TEX101: variants seen among roughly 807,000 people sequenced by gnomAD.
The protein encoded by TEX101 is testis expressed 101.
A neutral mutation model predicts 18.1 loss-of-function variants in TEX101; 10 were observed. That is an observed-to-expected ratio of 0.55 (90% confidence interval 0.34 to 0.94). TEX101 has a LOEUF of 0.94. TEX101 is among the 40% of genes least tolerant of loss of function. The pLI is 0.02. For synonymous variants in TEX101, 94 were observed against 114.8 expected (o/e 0.82, Z 1.16); for missense variants, 259 against 298.9 (o/e 0.87, Z 0.98).
At chr19:43,399,150 T>C (rs779631276), upstream of TEX101, among the ~76,000 whole-genome samples, 4 of 152,238 alleles carry the variant, frequency 2.6e-5, no homozygotes, top group Non-Finnish European at 5.9e-5. Flanking sequence ...CTAAGCCCTC[T>C]ATTCTCTATA....
At chr19:43,389,006 C>T in the TEX101 span, among the ~76,000 whole-genome samples, 2 of 152,200 alleles carry the variant, frequency 1.3e-5, no homozygotes, top group Admixed American at 6.5e-5. Context: ...CTCCCACCCT[C>T]GAGGCATCGT....
the TEX101 span, among the ~76,000 whole-genome samples, chr19:43,388,700 C>T: frequency 6.6e-6 from 1 of 152,284 alleles, no homozygotes; most frequent in Admixed American, 6.5e-5. Context: ...ATGTGTGTAA[C>T]GGGTTGCACC....
upstream of TEX101, among the ~76,000 whole-genome samples, chr19:43,412,595 GGA>G (rs1874299813): frequency 6.6e-6 from 1 of 152,100 alleles, no homozygotes; most frequent in Non-Finnish European, 1.5e-5. Context: ...CAAGTCACCT[GGA>G]GAGTGACTCA....
intron 2 of TEX101, among the ~76,000 whole-genome samples, chr19:43,403,786 C>T (rs1266731851): frequency 6.6e-6 from 1 of 151,896 alleles, no homozygotes; most frequent in Non-Finnish European, 1.5e-5. Context: ...AAAAATCTGG[C>T]CCACAAAGAC....
chr19:43,393,388 G>C, the TEX101 span, among the ~76,000 whole-genome samples: 1 of 152,198 alleles, frequency 6.6e-6, no homozygotes, highest in African/African-American at 2.4e-5. Context: ...CTTCGTGACT[G>C]GGTGTCCATG....
chr19:43,395,102 A>G, the TEX101 span, among the ~76,000 whole-genome samples: 1 of 152,216 alleles, frequency 6.6e-6, no homozygotes, highest in South Asian at 2.1e-4. Context: ...CTTCAAGGGA[A>G]GGTCCATCAT....
the TEX101 span, among the ~76,000 whole-genome samples, chr19:43,391,125 G>A: frequency 1.3e-5 from 2 of 152,112 alleles, no homozygotes; most frequent in African/African-American, 4.8e-5. Flanking sequence ...TATAGACCAC[G>A]TTTTGCTTAT....
intron 3 of TEX101, among the ~76,000 whole-genome samples, chr19:43,408,292 G>A (rs946736928): frequency 6.6e-6 from 1 of 150,432 alleles, no homozygotes; most frequent in African/African-American, 2.4e-5. Flanking sequence ...GTTCTGCCCG[G>A]GCTCGACCAG....
At chr19:43,406,585 G>A (rs1970365773) in intron 3 of TEX101, 3 of 625,850 alleles carry the variant, frequency 4.8e-6, no homozygotes, top group Non-Finnish European at 2.9e-6. Context: ...AACCTGGTGG[G>A]GGAGTCGGGC....
At chr19:43,404,483 C>A (rs1970344614) in intron 2 of TEX101, among the ~76,000 whole-genome samples, 1 of 152,108 alleles carries the variant, frequency 6.6e-6, no homozygotes, top group African/African-American at 2.4e-5. Context: ...TAATATACTA[C>A]AATTTGTTTG....
At chr19:43,404,599 C>T (rs1970345405) in intron 2 of TEX101, among the ~76,000 whole-genome samples, 2 of 152,028 alleles carry the variant, frequency 1.3e-5, no homozygotes. Flanking sequence ...CAATTGTTAA[C>T]ATTTTGCCAC....
chr19:43,410,322 G>A (rs555736593), upstream of TEX101, among the ~76,000 whole-genome samples: 8 of 152,188 alleles, frequency 5.3e-5, no homozygotes, highest in East Asian at 3.9e-4. Flanking sequence ...TGGGGGAAGC[G>A]GATTAGGGAG....
At chr19:43,390,576 T>G in the TEX101 span, among the ~76,000 whole-genome samples, 2 of 144,658 alleles carry the variant, frequency 1.4e-5, no homozygotes, top group African/African-American at 2.5e-5. Flanking sequence ...CAACCGATTC[T>G]CCTGCCTCAG....
intron 2 of TEX101, among the ~76,000 whole-genome samples, chr19:43,403,487 G>T (rs140801528): frequency 0.018 from 2,711 of 152,196 alleles, 73 homozygotes; most frequent in African/African-American, 0.061. Context: ...TAATGTAAAT[G>T]ACAAGCTCAT....
In TEX101 at chr19:43,408,253, G is replaced by A. The variant is rs555015136; in HGVS notation, c.15+1734G>A. On this transcript the variant is annotated intron_variant, in intron 3 of 7. Coordinates refer to the TEX101 transcript ENST00000602198. ...AGGCGGTGAGGGCCGCCCCCGCAGC[G>A]TCCTGTTTGGGAGCCAGGTCTTCTC... Among the ~76,000 whole-genome samples, 511 of 152,256 alleles carry A rather than the reference G, an allele frequency of 3.4e-3. 1 individual carries two copies. The highest frequency in any genetic ancestry group is 0.011 in the African/African-American group (470 of 41,540).
At chr19:43,402,223 A>G (rs1440661141) in intron 1 of TEX101, among the ~76,000 whole-genome samples, 1 of 152,226 alleles carries the variant, frequency 6.6e-6, no homozygotes, top group East Asian at 1.9e-4. Flanking sequence ...AAACTACAAA[A>G]CATGTTCATT....
Position 43,415,995 on chromosome 19 carries a change from G to A in TEX101, c.64+12G>A, listed in dbSNP as rs1430422141. On this transcript the variant is annotated intron_variant, in intron 2 of 5. Transcript: ENST00000598265. ...CTCCCTCCTGACCTGTGCGTATGGG[G>A]GACATAGGGGAGAGCCGTGTGTCAC... The A allele has an allele frequency of 6.2e-7, 1 of 1,613,666 alleles. No homozygotes were observed. The highest frequency in any genetic ancestry group is 1.3e-5 in the African/African-American group (1 of 75,022).
At chr19:43,396,826 A>ATTTTT (rs1202828153), upstream of TEX101, among the ~76,000 whole-genome samples, 10 of 82,912 alleles carry the variant, frequency 1.2e-4, no homozygotes, top group Admixed American at 1.6e-4. Flanking sequence ...TGTTTTCAGC[A>ATTTTT]TTTTTTTTTT....
At chr19:43,411,261 G>A (rs946234827), upstream of TEX101, among the ~76,000 whole-genome samples, 2 of 152,142 alleles carry the variant, frequency 1.3e-5, no homozygotes, top group African/African-American at 4.8e-5. Flanking sequence ...ATTTTTAGTG[G>A]AGACAGGGTT....
Sources: allele counts gnomAD v4.1 joint callset (sites outside exome capture counted in the v4.1 genomes callset), GRCh38; gene constraint gnomAD v4.1.1; transcripts MANE v1.5; gene names NCBI Gene and HGNC (gene_info 2026-07-23, HGNC 2026-07-21).